Variants in VWA3B observed in about 807,000 individuals in gnomAD.
VWA3B encodes the protein von Willebrand factor A domain containing 3B.
Under a neutral mutation model 158.3 loss-of-function variants are expected in VWA3B, and 138 were observed. The observed-to-expected ratio is 0.87, with a 90% CI of 0.76 to 1.00. The LOEUF (loss-of-function observed/expected upper bound fraction) is 1.00. Ranked by LOEUF, VWA3B falls within the 50% of genes least tolerant of loss-of-function variation. VWA3B has a pLI of 0.00. For synonymous variants in VWA3B, 596 were observed against 587.3 expected (o/e 1.01, Z -0.21); for missense variants, 1,555 against 1,565.1 (o/e 0.99, Z 0.11).
chr2:98,174,879 A>G (rs967762710), intron 8 of VWA3B, among the ~76,000 whole-genome samples: 1 of 152,254 alleles, frequency 6.6e-6, no homozygotes, highest in African/African-American at 2.4e-5. Context: ...CTCCTCAGCA[A>G]GGAATAGTCC....
chr2:98,098,155 G>C (rs1362927657), intron 2 of VWA3B, among the ~76,000 whole-genome samples: 1 of 152,054 alleles, frequency 6.6e-6, no homozygotes, highest in Non-Finnish European at 1.5e-5. Context: ...AGCTATCCTA[G>C]ATAATATTAT....
intron 1 of VWA3B, among the ~76,000 whole-genome samples, chr2:98,088,732 G>T (rs1024823080): frequency 6.6e-6 from 1 of 152,070 alleles, no homozygotes; most frequent in Non-Finnish European, 1.5e-5. Context: ...AAATAGCATA[G>T]TTTTATCAGA....
Position 98,125,822 on chromosome 2 carries a change from T to C in VWA3B, c.703-2417T>C, listed in dbSNP as rs948873968. Reference sequence around the variant, plus strand: ...GGGACTACAGGCGCCTGCCACCACATCCGGCTAATTTTTCTGTATTTTTAG... The same window carrying C: ...GGGACTACAGGCGCCTGCCACCACACCCGGCTAATTTTTCTGTATTTTTAG... On this transcript the variant is annotated intron_variant, in intron 5 of 27. Transcript: ENST00000477737. The surrounding 1 kb of genome is among the most constrained non-coding windows in gnomAD (Gnocchi z 4.1). Among the ~76,000 whole-genome samples the C allele has an allele frequency of 2.0e-5, 3 of 152,158 alleles. No individual in the cohort carries two copies. Among genetic ancestry groups the C allele is most frequent in the South Asian group, 4.1e-4 (2 of 4,822 alleles).
intron 7 of VWA3B, among the ~76,000 whole-genome samples, chr2:98,161,887 A>G (rs1165538141): frequency 6.6e-6 from 1 of 152,072 alleles, no homozygotes; most frequent in African/African-American, 2.4e-5. Flanking sequence ...TTGTATTTTT[A>G]GTAGAGACGG....
In VWA3B at chr2:98,294,549, G is replaced by A. The variant is rs538708916; in HGVS notation, c.3158-3358G>A. On this transcript the variant is annotated intron_variant, in intron 23 of 27. Coordinates refer to ENST00000477737, the MANE Select transcript of VWA3B (RefSeq NM_144992.5). ...AGGAAATGACTGACTGTGTTGTACA[G>A]AGCGATAGCCTGGCTTATCTGGATG... Among the ~76,000 whole-genome samples the A allele has an allele frequency of 2.6e-5, 4 of 152,372 alleles. No individual in the cohort carries two copies. The South Asian group carries it at 8.3e-4, about 32-fold the overall frequency.
At chr2:98,210,432 A>G (rs1183631864) in intron 12 of VWA3B, among the ~76,000 whole-genome samples, 1 of 152,222 alleles carries the variant, frequency 6.6e-6, no homozygotes, top group Non-Finnish European at 1.5e-5. Flanking sequence ...ACCCCCTTCA[A>G]GGCACAGAAT....
chr2:98,199,613 A>T (rs1355776878), intron 12 of VWA3B, among the ~76,000 whole-genome samples: 1 of 152,180 alleles, frequency 6.6e-6, no homozygotes, highest in Admixed American at 6.5e-5. Flanking sequence ...AATCTTCTAT[A>T]ATGGACTGTG....
chr2:98,111,054 C>G (rs749852298), intron 2 of VWA3B, among the ~76,000 whole-genome samples: 6 of 152,140 alleles, frequency 3.9e-5, no homozygotes, highest in Admixed American at 2.0e-4. Flanking sequence ...TGTAAATTTC[C>G]CGGTTTCAGG....
At chr2:98,327,631 TC>T in the VWA3B span, among the ~76,000 whole-genome samples, 1 of 152,154 alleles carries the variant, frequency 6.6e-6, no homozygotes, top group Non-Finnish European at 1.5e-5. Flanking sequence ...ATACAAACTT[TC>T]AGGAAAACAG....
chr2:98,224,489 A>C (rs1684757346), intron 14 of VWA3B, among the ~76,000 whole-genome samples: 1 of 152,204 alleles, frequency 6.6e-6, no homozygotes, highest in East Asian at 1.9e-4. Context: ...GACTGTTATA[A>C]GTCACATATA....
chr2:98,088,717 T>C (rs1211715559), intron 1 of VWA3B, among the ~76,000 whole-genome samples: 1 of 152,114 alleles, frequency 6.6e-6, no homozygotes, highest in African/African-American at 2.4e-5. Flanking sequence ...AGTAAATAAA[T>C]AAATAAATAG....
At chr2:98,324,313 C>T in the VWA3B span, among the ~76,000 whole-genome samples, 1 of 152,158 alleles carries the variant, frequency 6.6e-6, no homozygotes, top group Non-Finnish European at 1.5e-5. Flanking sequence ...CAGGAATGCA[C>T]CACCACACTC....
intron 7 of VWA3B, among the ~76,000 whole-genome samples, chr2:98,153,965 G>A (rs1435860111): frequency 1.3e-5 from 2 of 152,152 alleles, no homozygotes; most frequent in Non-Finnish European, 2.9e-5. Context: ...GGGCTCAAGC[G>A]ATTCTCCTGC....
chr2:98,223,635 A>G (rs1684685863), intron 14 of VWA3B, among the ~76,000 whole-genome samples: 1 of 152,254 alleles, frequency 6.6e-6, no homozygotes, highest in Admixed American at 6.5e-5. Flanking sequence ...CTTCCTGTTC[A>G]AGACCAAAGA....
At chr2:98,321,495 C>G in the VWA3B span, among the ~76,000 whole-genome samples, 21 of 152,332 alleles carry the variant, frequency 1.4e-4, no homozygotes, top group African/African-American at 4.8e-4. Flanking sequence ...TGAAAAGTCC[C>G]CCTTGTGGCA....
intron 12 of VWA3B, among the ~76,000 whole-genome samples, chr2:98,199,364 G>A (rs1486010850): frequency 6.6e-6 from 1 of 152,150 alleles, no homozygotes; most frequent in Non-Finnish European, 1.5e-5. Context: ...GAACTGTGAA[G>A]GGCCTGAGAT....
intron 6 of VWA3B, among the ~76,000 whole-genome samples, chr2:98,129,208 A>G (rs111868374): frequency 0.019 from 1,621 of 84,498 alleles, 20 homozygotes; most frequent in African/African-American, 0.098. Flanking sequence ...GAGAGAGAGG[A>G]GAGAGAGAGA....
chr2:98,181,439 A>G (rs1369964525), intron 9 of VWA3B, among the ~76,000 whole-genome samples: 12 of 152,220 alleles, frequency 7.9e-5, no homozygotes, highest in Non-Finnish European at 1.2e-4. Flanking sequence ...AGTGAGTTGT[A>G]CATAAGCCAG....
chr2:98,311,703 C>A, intron 26 of VWA3B, 116 bp from the exon 27 acceptor site: 1 of 1,253,442 alleles, frequency 8.0e-7, no homozygotes, highest in Non-Finnish European at 1.1e-6. Flanking sequence ...GACTCCTTTC[C>A]ATGGGAAGAG....
Sources: gnomAD v4.1 joint callset for allele counts (sites outside exome capture counted in the v4.1 genomes callset) on GRCh38, gnomAD v4.1.1 for gene constraint, Gnocchi (gnomAD v3.1) non-coding constraint, MANE v1.5 for transcripts, NCBI Gene and HGNC (gene_info 2026-07-23, HGNC 2026-07-21) for gene names.